The following ARMC3 variants were observed in gnomAD, a reference collection of about 807,000 sequenced individuals.
ARMC3 encodes armadillo repeat-containing protein 3.
Under a neutral mutation model 90.3 loss-of-function variants are expected in ARMC3, and 74 were observed. The observed-to-expected ratio is 0.82, with a 90% CI of 0.68 to 0.99. ARMC3 has a LOEUF of 0.99. Ranked by LOEUF, ARMC3 falls within the 50% of genes least tolerant of loss-of-function variation. The pLI is 0.00. For missense variants in ARMC3, 958 were observed against 1,042.8 expected (o/e 0.92, Z 1.12); for synonymous variants, 334 against 361.8 (o/e 0.92, Z 0.87).
chr10:23,010,115 CT>C (rs1254239000), intron 16 of ARMC3, among the ~76,000 whole-genome samples: 1 of 151,826 alleles, frequency 6.6e-6, no homozygotes, highest in African/African-American at 2.4e-5. Flanking sequence ...CCCATAGCTT[CT>C]GCTTGCTCTC....
Position 23,008,372 on chromosome 10 carries a change from C to A in ARMC3, c.1926C>A (p.Asn642Lys), listed in dbSNP as rs11817610. Residue 642 changes from asparagine to lysine, a missense_variant and splice_region_variant, in exon 15 of 19, where the codon AAC (asparagine) becomes AAA (lysine). Coordinates refer to ENST00000298032, the MANE Select transcript of ARMC3 (RefSeq NM_173081.5). ...SSLRRSSKEK[N>K]KKNSYHFSAG... ...TAAGAAGATCAAGTAAAGAAAAGAA[C>A]AAGTAAGAAAATGATGTTTTATCTG... 2.1e-6 allele frequency: 3 copies of A among 1,406,986 alleles called. No homozygotes were observed. The East Asian group carries it at 7.2e-5, about 34-fold the overall frequency. The allele number at this position is 1,406,986 out of a possible 1,614,324, so 87.2% of individuals were successfully genotyped here.
intron 1 of ARMC3, among the ~76,000 whole-genome samples, chr10:22,929,288 GAGAGAGAA>G: frequency 6.7e-6 from 1 of 148,962 alleles, no homozygotes; most frequent in Non-Finnish European, 1.5e-5. Flanking sequence ...GAGAGAAAGA[GAGAGAGAA>G]AGAGAAAGAA....
chr10:22,963,918 CACACAAAAAAAAAAAAAAAA>C (rs1300905266), intron 7 of ARMC3, among the ~76,000 whole-genome samples: 1 of 51,752 alleles, frequency 1.9e-5, no homozygotes, highest in Non-Finnish European at 3.5e-5. Flanking sequence ...CACACACACA[CACACAAAAAAAAAAAAAAAA>C]AAAAAAAAAA....
intron 7 of ARMC3, among the ~76,000 whole-genome samples, chr10:22,963,922 CAAAAAAAAAAAAAAAAAAAAAA>C (rs35508443): frequency 3.4e-5 from 2 of 58,586 alleles, no homozygotes; most frequent in Non-Finnish European, 5.7e-5. Context: ...CACACACACA[CAAAAAAAAAAAAAAAAAAAAAA>C]AAAAAAGACT....
Position 22,959,565 on chromosome 10 carries a change from C to T in ARMC3, c.528C>T (p.Asn176=). Reference sequence around the variant, plus strand: ...AGAACTCTATGGAATGCATTTACAACTTGGTGCAGGTAAGATTAATTTCTA... The same window carrying T: ...AGAACTCTATGGAATGCATTTACAATTTGGTGCAGGTAAGATTAATTTCTA... The part of the protein sequence containing the change: ...VKKNSMECIY[N]LVQDFQCRAK... Residue 176 remains asparagine (N), a synonymous_variant, in exon 6 of 19, where the codon AAC becomes AAT. Transcript: ENST00000298032. The T allele has an allele frequency of 6.3e-7, 1 of 1,599,332 alleles. No individual in the cohort carries two copies. The highest frequency in any genetic ancestry group is 8.5e-7 in the Non-Finnish European group (1 of 1,176,126).
intron 18 of ARMC3, among the ~76,000 whole-genome samples, chr10:23,035,969 A>C (rs1839111157): frequency 6.6e-6 from 1 of 152,198 alleles, no homozygotes; most frequent in Admixed American, 6.5e-5. Flanking sequence ...TATTACCCTG[A>C]CATTAAAAAC....
chr10:22,947,006 T>A (rs757874802), intron 3 of ARMC3, among the ~76,000 whole-genome samples: 1 of 150,640 alleles, frequency 6.6e-6, no homozygotes, highest in Non-Finnish European at 1.5e-5. Context: ...TATATAAAAA[T>A]ATATATATAC....
chr10:22,983,944 T>C (rs1283805573), intron 10 of ARMC3, among the ~76,000 whole-genome samples: 5 of 152,162 alleles, frequency 3.3e-5, no homozygotes, highest in Non-Finnish European at 1.5e-5. Context: ...TGGCATCACT[T>C]TTAGTAGCGG....
intron 3 of ARMC3, 29 bp downstream of exon 3, chr10:22,946,290 G>A: frequency 6.9e-7 from 1 of 1,455,098 alleles, no homozygotes; most frequent in Non-Finnish European, 9.6e-7. Context: ...TTATCTTTCT[G>A]TTTCATTAAT....
chr10:22,968,157 G>A, intron 7 of ARMC3, 149 bp from the exon 8 acceptor site: 1 of 652,442 alleles, frequency 1.5e-6, no homozygotes, highest in Non-Finnish European at 2.6e-6. Flanking sequence ...ATGTTACTTT[G>A]ATAAGCAGAA....
chr10:22,998,263 C>G lies in ARMC3; in HGVS notation c.1291C>G (p.Leu431Val). 1 of 1,612,320 alleles carries G rather than the reference C, an allele frequency of 6.2e-7. No homozygotes were observed. Among genetic ancestry groups the G allele is most frequent in the Non-Finnish European group, 8.5e-7 (1 of 1,179,116 alleles). Residue 431 changes from leucine to valine, a missense_variant, in exon 11 of 19, where the codon CTG becomes GTG. Transcript: ENST00000298032. ...AACAAACATGGCCATGCAGGAGCCC[C>G]TGCGCCTGAACATACAGAATCACGA... is the stretch of plus-strand genomic sequence containing the variant. ...VLTNMAMQEPLRLNIQNHDIM... is the reference protein window; with the variant it reads ...VLTNMAMQEPVRLNIQNHDIM...
At chr10:23,028,732 A>G (rs1187932181) in intron 16 of ARMC3, among the ~76,000 whole-genome samples, 14 of 152,202 alleles carry the variant, frequency 9.2e-5, no homozygotes, top group Non-Finnish European at 2.1e-4. Context: ...TATGCCAACC[A>G]GTATCCACTT....
chr10:22,988,546 T>A (rs1836563616), intron 10 of ARMC3, among the ~76,000 whole-genome samples: 1 of 152,240 alleles, frequency 6.6e-6, no homozygotes, highest in African/African-American at 2.4e-5. Context: ...TTTATTCTAT[T>A]GATTTTAGGC....
At chr10:23,000,058 C>T (rs1375195227) in intron 11 of ARMC3, among the ~76,000 whole-genome samples, 4 of 152,126 alleles carry the variant, frequency 2.6e-5, no homozygotes, top group African/African-American at 9.7e-5. Context: ...TTACTGGCTC[C>T]AGGCTTGTCT....
intron 11 of ARMC3, among the ~76,000 whole-genome samples, chr10:22,999,694 G>T (rs1837189973): frequency 6.6e-6 from 1 of 152,222 alleles, no homozygotes; most frequent in Admixed American, 6.5e-5. Context: ...TTGGTAAGTG[G>T]CGAGTCAGGG....
At chr10:22,999,239 ATTAAATC>A (rs1330516968) in intron 11 of ARMC3, among the ~76,000 whole-genome samples, 7 of 152,212 alleles carry the variant, frequency 4.6e-5, no homozygotes, top group African/African-American at 1.7e-4. Context: ...TGGTGATCCT[ATTAAATC>A]TTCAGAAAAA....
chr10:22,988,207 G>C (rs79756888), intron 10 of ARMC3, among the ~76,000 whole-genome samples: 314 of 152,284 alleles, frequency 2.1e-3, no homozygotes, highest in African/African-American at 7.2e-3. Context: ...ATTATTCATG[G>C]AGTATCATGC....
At chr10:22,993,199 T>C (rs563325428) in intron 10 of ARMC3, among the ~76,000 whole-genome samples, 40 of 152,310 alleles carry the variant, frequency 2.6e-4, no homozygotes, top group African/African-American at 9.1e-4. Context: ...GAACCTCAAA[T>C]TGAAGCAAGG....
intron 7 of ARMC3, among the ~76,000 whole-genome samples, chr10:22,967,648 A>C (rs1415393221): frequency 6.6e-6 from 1 of 152,168 alleles, no homozygotes; most frequent in Admixed American, 6.5e-5. Flanking sequence ...GCTGTAACTG[A>C]GTCTTCAAAA....
Sources: gnomAD v4.1 joint callset for allele counts (sites outside exome capture counted in the v4.1 genomes callset) on GRCh38, gnomAD v4.1.1 for gene constraint, MANE v1.5 for transcripts, NCBI Gene and HGNC (gene_info 2026-07-23, HGNC 2026-07-21) for gene names.